CDKL3: variants seen among roughly 807,000 people sequenced by gnomAD.
The protein encoded by CDKL3 is cyclin dependent kinase like 3, also known as cyclin-dependent kinase-like 3.
CDKL3 carries 65 observed loss-of-function variants against 69.3 expected under a neutral mutation model. That is an observed-to-expected ratio of 0.94 (90% CI 0.77 to 1.15). The LOEUF is 1.15. Ranked by LOEUF, CDKL3 falls within the 50% of genes most tolerant of loss-of-function variation. The probability of loss-of-function intolerance (pLI) is 0.00; values close to 1 mark genes in which losing one functional copy is unlikely to be tolerated. For missense variants in CDKL3, 652 were observed against 689.2 expected, an observed-to-expected ratio of 0.95 and a Z score of 0.61; for synonymous variants, 202 against 221.6, an observed-to-expected ratio of 0.91 and a Z score of 0.79.
intron 8 of CDKL3, among the ~76,000 whole-genome samples, chr5:134,288,432 A>G (rs946697594): frequency 2.6e-5 from 4 of 152,208 alleles, no homozygotes; most frequent in African/African-American, 4.8e-5. Flanking sequence ...AAAACTGTAA[A>G]TGCCATGTTT....
downstream of CDKL3, among the ~76,000 whole-genome samples, chr5:134,296,483 T>C (rs963610598): frequency 6.6e-6 from 1 of 152,096 alleles, no homozygotes; most frequent in Non-Finnish European, 1.5e-5. Flanking sequence ...GGCAAACACA[T>C]ATAAATATAA....
chr5:134,324,040 G>A (rs774177686), intron 4 of CDKL3, among the ~76,000 whole-genome samples: 1 of 151,990 alleles, frequency 6.6e-6, no homozygotes, highest in South Asian at 2.1e-4. Context: ...CAAAATATAA[G>A]AATATACATT....
chr5:134,339,760 G>A (rs910375554), intron 4 of CDKL3, among the ~76,000 whole-genome samples: 1 of 152,226 alleles, frequency 6.6e-6, no homozygotes, highest in African/African-American at 2.4e-5. Flanking sequence ...AATATTAATT[G>A]CAGGAAAAAT....
rs575335110 is a variant in CDKL3, at chr5:134,304,671, A to T, written c.1459-104T>A. ...TTGGATGGTATAAGATAGACATAAC[A>T]ATTAATTTAATAATTAAGAAGATTT... On this transcript the variant is annotated intron_variant, in intron 10 of 12. Coordinates refer to ENST00000265334, the MANE Select transcript of CDKL3 (RefSeq NM_001113575.2). 4.9e-5 allele frequency: 37 copies of T among 759,108 alleles called. No individual in the cohort carries two copies. The African/African-American group carries it at 6.1e-4, about 12-fold the overall frequency. The allele number at this position is 759,108 out of a possible 1,614,324, so 47.0% of individuals were successfully genotyped here. A position where few individuals can be genotyped will look rare whatever the true frequency, so the allele number is the denominator to read the frequency against.
At chr5:134,296,781 C>CA (rs1465416387), downstream of CDKL3, among the ~76,000 whole-genome samples, 2 of 126,170 alleles carry the variant, frequency 1.6e-5, no homozygotes, top group Non-Finnish European at 3.3e-5. Context: ...GACCCTGTCT[C>CA]TACACACACA....
upstream of CDKL3, chr5:134,371,573 T>C (rs1758416853): frequency 1.2e-6 from 2 of 1,609,662 alleles, no homozygotes; most frequent in Non-Finnish European, 1.7e-6. Context: ...TTTTTCAGAC[T>C]GACCGCGGGG....
At chr5:134,311,454 C>T (rs765499333) in intron 7 of CDKL3, among the ~76,000 whole-genome samples, 6 of 151,598 alleles carry the variant, frequency 4.0e-5, no homozygotes, top group Admixed American at 6.6e-5. Context: ...TGTAGTCAGC[C>T]GAGATTGTGC....
intron 8 of CDKL3, among the ~76,000 whole-genome samples, chr5:134,287,869 T>C (rs1158695190): frequency 6.6e-6 from 1 of 151,718 alleles, no homozygotes; most frequent in Non-Finnish European, 1.5e-5. Flanking sequence ...TCTCGACACC[T>C]TACCACAGCT....
downstream of CDKL3, among the ~76,000 whole-genome samples, chr5:134,297,772 G>A (rs562507833): frequency 3.0e-4 from 45 of 151,868 alleles, no homozygotes; most frequent in African/African-American, 1.1e-3. Flanking sequence ...AGTAGAGATG[G>A]GGTTTCTCCA....
intron 6 of CDKL3, among the ~76,000 whole-genome samples, chr5:134,317,563 G>T (rs895528741): frequency 3.9e-5 from 6 of 152,122 alleles, no homozygotes; most frequent in African/African-American, 1.4e-4. Flanking sequence ...GTTCGAGGTT[G>T]CAGTGAGCAA....
intron 8 of CDKL3, among the ~76,000 whole-genome samples, chr5:134,290,708 T>A (rs531805027): frequency 6.5e-4 from 99 of 152,174 alleles, no homozygotes; most frequent in South Asian, 4.1e-4. Flanking sequence ...TTTTTTTTTT[T>A]AATTTTTTTG....
intron 12 of CDKL3, among the ~76,000 whole-genome samples, chr5:134,298,958 C>T (rs1765643679): frequency 6.6e-6 from 1 of 152,102 alleles, no homozygotes; most frequent in Admixed American, 6.6e-5. Flanking sequence ...ACTACAACCT[C>T]CGCCTCCCGG....
chr5:134,348,679 C>T (rs536141286), intron 4 of CDKL3, among the ~76,000 whole-genome samples: 1 of 151,886 alleles, frequency 6.6e-6, no homozygotes, highest in African/African-American at 2.4e-5. Context: ...GATTGGGGGG[C>T]TAGGGAGTAT....
intron 3 of CDKL3, among the ~76,000 whole-genome samples, chr5:134,357,184 G>A (rs1056394875): frequency 6.6e-6 from 1 of 152,088 alleles, no homozygotes; most frequent in African/African-American, 2.4e-5. Context: ...GGTGGCTCAC[G>A]CCTGTAATCC....
Position 134,312,330 on chromosome 5 carries a change from C to A in CDKL3, c.843G>T (p.Leu281Phe). 6.2e-7 allele frequency: 1 copy of A among 1,600,152 alleles called. No individual in the cohort carries two copies. The highest frequency in any genetic ancestry group is 8.5e-7 in the Non-Finnish European group (1 of 1,173,800). Residue 281 changes from leucine to phenylalanine, a missense_variant, in exon 7 of 13, where the codon TTG becomes TTT. By Grantham distance (22) the Leu-to-Phe change is conservative. Coordinates refer to ENST00000265334, the MANE Select transcript of CDKL3 (RefSeq NM_001113575.2). ...PADRISSSDL[L>F]HHEYFTRDGF... ...CATCTCTAGTAAAATACTCATGATG[C>A]AAAAGATCACTAGATGATATCCTGT...
intron 4 of CDKL3, among the ~76,000 whole-genome samples, chr5:134,330,245 G>GA (rs908417685): frequency 4.6e-5 from 7 of 151,254 alleles, no homozygotes; most frequent in African/African-American, 1.5e-4. Context: ...TTAAGATTAG[G>GA]AAAAAAAAGA....
chr5:134,364,272 C>T (rs1409416763), intron 2 of CDKL3, among the ~76,000 whole-genome samples: 1 of 152,140 alleles, frequency 6.6e-6, no homozygotes, highest in Non-Finnish European at 1.5e-5. Context: ...ACTGTCACAC[C>T]TACATAGGAT....
At chr5:134,335,718 T>C (rs777955778) in intron 4 of CDKL3, among the ~76,000 whole-genome samples, 5 of 152,206 alleles carry the variant, frequency 3.3e-5, no homozygotes, top group African/African-American at 7.2e-5. Context: ...CTTCCCTTTG[T>C]AGGTAACCCA....
chr5:134,361,767 G>C (rs905135831), intron 2 of CDKL3, among the ~76,000 whole-genome samples: 5 of 152,146 alleles, frequency 3.3e-5, no homozygotes, highest in Non-Finnish European at 4.4e-5. Flanking sequence ...AGACCAGCGT[G>C]GTGGTGGGCA....
Sources: gnomAD v4.1 joint callset for allele counts (sites outside exome capture counted in the v4.1 genomes callset) on GRCh38, gnomAD v4.1.1 for gene constraint, MANE v1.5 for transcripts, NCBI Gene and HGNC (gene_info 2026-07-23, HGNC 2026-07-21) for gene names.